EYA4: variants seen among roughly 807,000 people sequenced by gnomAD.
The protein encoded by EYA4 is EYA transcriptional coactivator and phosphatase 4, also known as protein phosphatase EYA4.
In EYA4, 31 loss-of-function variants were observed where a neutral mutation model predicts 87.9. The ratio of observed to expected loss-of-function variants is 0.35; its 90% CI spans 0.27 to 0.48. The LOEUF (loss-of-function observed/expected upper bound fraction) is 0.48. Ranked by LOEUF, EYA4 falls within the 20% of genes least tolerant of loss-of-function variation. The probability of loss-of-function intolerance (pLI) is 0.99; values close to 1 mark genes in which losing one functional copy is unlikely to be tolerated. For missense variants in EYA4, 678 were observed against 761.4 expected (o/e 0.89, Z 1.29); for synonymous variants, 263 against 270.6 (o/e 0.97, Z 0.28).
intron 2 of EYA4, among the ~76,000 whole-genome samples, chr6:133,312,909 T>G (rs981470755): frequency 1.3e-5 from 2 of 152,168 alleles, no homozygotes; most frequent in East Asian, 1.9e-4. Flanking sequence ...CATTTCCCTG[T>G]AGCACTGAGC....
At chr6:133,373,564 C>T (rs1381297723) in intron 2 of EYA4, among the ~76,000 whole-genome samples, 1 of 151,964 alleles carries the variant, frequency 6.6e-6, no homozygotes, top group Non-Finnish European at 1.5e-5. Context: ...TTTAATTTCG[C>T]TGCAGAAGAT....
intron 1 of EYA4, among the ~76,000 whole-genome samples, chr6:133,250,993 G>A (rs1774853277): frequency 6.6e-6 from 1 of 152,158 alleles, no homozygotes; most frequent in African/African-American, 2.4e-5. Flanking sequence ...AGTAGTCCAA[G>A]TATAAATTAG....
intron 19 of EYA4, chr6:133,525,759 C>T (rs1800587660): frequency 3.9e-6 from 1 of 255,802 alleles, no homozygotes; most frequent in Non-Finnish European, 6.1e-6. Context: ...TCGTGAGTGC[C>T]TGGAAGTAGG....
intron 13 of EYA4, among the ~76,000 whole-genome samples, chr6:133,498,054 A>G (rs1797781568): frequency 6.6e-6 from 1 of 152,352 alleles, no homozygotes; most frequent in South Asian, 2.1e-4. Context: ...GTGCAGAAAA[A>G]TACTTCTAAC....
intron 2 of EYA4, among the ~76,000 whole-genome samples, chr6:133,373,537 G>T (rs1315253038): frequency 6.6e-5 from 10 of 152,000 alleles, no homozygotes; most frequent in Non-Finnish European, 1.5e-4. Flanking sequence ...CTGCGAAGCT[G>T]CACAGTAGTC....
rs1176090069 is a variant in EYA4, at chr6:133,408,709, C to T, written c.83+26268C>T. On this transcript the variant is annotated intron_variant, in intron 3 of 19. Transcript: ENST00000355286. ...TTCCATGAGGTTTAAATGGTTTACA[C>T]TGTCAAAGCTTTTAGGACAGTGCCT... 2.6e-5 allele frequency among the ~76,000 whole-genome samples: 4 copies of T among 152,286 alleles called. No individual in the cohort carries two copies. The South Asian group carries it at 6.2e-4, about 24-fold the overall frequency.
chr6:133,264,403 A>T (rs1320372380), intron 1 of EYA4, among the ~76,000 whole-genome samples: 9 of 152,238 alleles, frequency 5.9e-5, no homozygotes. Flanking sequence ...ATATTTCGGA[A>T]CCATCACTCT....
At chr6:133,410,756 C>T (rs1377019337) in intron 3 of EYA4, among the ~76,000 whole-genome samples, 1 of 151,864 alleles carries the variant, frequency 6.6e-6, no homozygotes, top group East Asian at 1.9e-4. Context: ...CTGCAGTCCA[C>T]TTCAAACAGG....
At chr6:133,385,391 C>CTG (rs66881281) in intron 3 of EYA4, among the ~76,000 whole-genome samples, 3,897 of 115,186 alleles carry the variant, frequency 0.034, 126 homozygotes, top group African/African-American at 0.069. Context: ...TATGCTCTCT[C>CTG]TGTGTGTGTG....
chr6:133,520,848 A>G (rs1800055648), intron 17 of EYA4, among the ~76,000 whole-genome samples: 1 of 151,348 alleles, frequency 6.6e-6, no homozygotes. Context: ...AACCTGAGAA[A>G]AACAAGCAAT....
At chr6:133,423,383 T>A (rs922744436) in intron 3 of EYA4, among the ~76,000 whole-genome samples, 5 of 152,208 alleles carry the variant, frequency 3.3e-5, no homozygotes, top group African/African-American at 1.2e-4. Context: ...CTTTCCAAAT[T>A]GGCTGTACCA....
At chr6:133,350,325 G>A (rs1252274142) in intron 2 of EYA4, among the ~76,000 whole-genome samples, 3 of 152,130 alleles carry the variant, frequency 2.0e-5, no homozygotes, top group East Asian at 1.9e-4. Context: ...AAATTAACTC[G>A]TGAAAAAGAT....
intron 2 of EYA4, among the ~76,000 whole-genome samples, chr6:133,288,968 G>A (rs999233557): frequency 6.6e-6 from 1 of 152,126 alleles, no homozygotes; most frequent in African/African-American, 2.4e-5. Flanking sequence ...GTAAGAAAAG[G>A]CATCCCAGAG....
chr6:133,321,792 G>A (rs1271599441), intron 2 of EYA4, among the ~76,000 whole-genome samples: 1 of 152,124 alleles, frequency 6.6e-6, no homozygotes, highest in Non-Finnish European at 1.5e-5. Context: ...TATGAGATGG[G>A]AAAATGAGCA....
chr6:133,323,549 T>C (rs556648001), intron 2 of EYA4, among the ~76,000 whole-genome samples: 1 of 152,058 alleles, frequency 6.6e-6, no homozygotes, highest in South Asian at 2.1e-4. Flanking sequence ...CATTTTCTAC[T>C]AAAATTTGAA....
At chr6:133,280,490 G>A (rs567345320) in intron 2 of EYA4, among the ~76,000 whole-genome samples, 4 of 151,946 alleles carry the variant, frequency 2.6e-5, no homozygotes, top group South Asian at 4.1e-4. Context: ...TCCGACTCCC[G>A]GGTTCAAGTG....
chr6:133,259,206 T>C (rs1775594202), intron 1 of EYA4, among the ~76,000 whole-genome samples: 1 of 152,130 alleles, frequency 6.6e-6, no homozygotes. Context: ...TTTTTTTAAA[T>C]TGAAGAAGTG....
At chr6:133,524,907 T>C in intron 18 of EYA4, 1 of 918,748 alleles carries the variant, frequency 1.1e-6, no homozygotes, top group Non-Finnish European at 1.8e-6. Flanking sequence ...AACCCAGAGG[T>C]TGTGAGCCAG....
At chr6:133,310,828 C>G (rs985481160) in intron 2 of EYA4, among the ~76,000 whole-genome samples, 2 of 152,180 alleles carry the variant, frequency 1.3e-5, no homozygotes, top group African/African-American at 4.8e-5. Flanking sequence ...GATAATTTAA[C>G]AACATGCCTA....
Sources: allele counts gnomAD v4.1 joint callset (sites outside exome capture counted in the v4.1 genomes callset), GRCh38; gene constraint gnomAD v4.1.1; transcripts MANE v1.5; gene names NCBI Gene and HGNC (gene_info 2026-07-23, HGNC 2026-07-21).